The following CS variants were observed in gnomAD, a reference collection of about 807,000 sequenced individuals.
CS encodes citrate synthase.
Under a neutral mutation model 61.4 loss-of-function variants are expected in CS, and 13 were observed. That is an observed-to-expected ratio of 0.21 (90% confidence interval 0.14 to 0.34). The LOEUF is 0.34. CS is among the 10% of genes least tolerant of loss of function. The probability of loss-of-function intolerance (pLI) is 1.00; values close to 1 mark genes in which losing one functional copy is unlikely to be tolerated. For synonymous variants in CS, 159 were observed against 215.2 expected, an observed-to-expected ratio of 0.74 and a Z score of 2.29; for missense variants, 278 against 573.4, an observed-to-expected ratio of 0.48 and a Z score of 5.26.
At chr12:56,299,565 C>T (rs546844964) in intron 1 of CS, among the ~76,000 whole-genome samples, 3 of 152,246 alleles carry the variant, frequency 2.0e-5, no homozygotes, top group African/African-American at 4.8e-5. Context: ...CCCACCCAAG[C>T]TCCTCCTATA....
At chr12:56,280,440 A>AAAC (rs1555162653) in intron 6 of CS, among the ~76,000 whole-genome samples, 1 of 119,902 alleles carries the variant, frequency 8.3e-6, no homozygotes. Flanking sequence ...AAAAAAAACA[A>AAAC]AAAAATTAGC....
intron 1 of CS, among the ~76,000 whole-genome samples, chr12:56,292,680 C>T (rs1298399470): frequency 7.0e-6 from 1 of 142,598 alleles, no homozygotes; most frequent in Non-Finnish European, 1.5e-5. Context: ...GTCAGGAGAT[C>T]GAGACCATCC....
At chr12:56,275,183 T>C (rs750021802) in intron 7 of CS, 52 bp from the exon 8 acceptor site, 2 of 1,611,188 alleles carry the variant, frequency 1.2e-6, no homozygotes, top group South Asian at 2.2e-5. Context: ...GGGCAGATTA[T>C]GGAAACTTTG....
intron 1 of CS, chr12:56,291,274 C>T: frequency 9.1e-7 from 1 of 1,099,278 alleles, no homozygotes; most frequent in Non-Finnish European, 1.1e-6. Flanking sequence ...GCAGTCAAGC[C>T]TGAGGCAGAG....
At chr12:56,299,235 G>A (rs779189666) in intron 1 of CS, among the ~76,000 whole-genome samples, 1 of 152,090 alleles carries the variant, frequency 6.6e-6, no homozygotes, top group South Asian at 2.1e-4. Context: ...GTCTAAAAGG[G>A]CCAAGTTACT....
At chr12:56,280,210 T>C (rs1282440962) in intron 6 of CS, among the ~76,000 whole-genome samples, 2 of 151,908 alleles carry the variant, frequency 1.3e-5, no homozygotes, top group African/African-American at 4.8e-5. Context: ...GGTCAGAGGT[T>C]CGAGACCAGC....
chr12:56,285,576 T>C (rs1430785260), intron 3 of CS, among the ~76,000 whole-genome samples: 1 of 152,220 alleles, frequency 6.6e-6, no homozygotes, highest in Non-Finnish European at 1.5e-5. Context: ...GCATGAGCCA[T>C]TGCGCCCTCT....
chr12:56,286,683 C>A (rs773358753), intron 1 of CS, 38 bp from the exon 2 acceptor site: 1 of 1,573,634 alleles, frequency 6.4e-7, no homozygotes, highest in Non-Finnish European at 8.7e-7. Context: ...TAACTGTTAC[C>A]CCTCCCTCTT....
At position 56,272,946 on chromosome 12, in the gene CS, A is replaced by C; in HGVS notation, c.*138T>G. Reference sequence around the variant, plus strand: ...TTTTCATCTTTTAAAGTCTTAATTTATATTTTAACCTCAAACATATTATCA... The same window carrying C: ...TTTTCATCTTTTAAAGTCTTAATTTCTATTTTAACCTCAAACATATTATCA... On this transcript the variant is annotated 3_prime_UTR_variant, in exon 11 of 11. Coordinates refer to ENST00000351328, the MANE Select transcript of CS (RefSeq NM_004077.3). 1 of 630,232 alleles carries C rather than the reference A, an allele frequency of 1.6e-6. No homozygotes were observed. The highest frequency in any genetic ancestry group is 2.8e-6 in the Non-Finnish European group (1 of 358,624). 39.0% of individuals were successfully genotyped at this position (630,232 alleles called of 1,614,324 possible).
At position 56,300,320 on chromosome 12, in the gene CS, G is replaced by C. The variant is rs1873451989; in HGVS notation, c.-119C>G. 3 of 1,135,272 alleles carry C rather than the reference G, an allele frequency of 2.6e-6. No homozygotes were observed. The highest frequency in any genetic ancestry group is 1.4e-5 in the South Asian group (1 of 71,980). The allele number at this position is 1,135,272 out of a possible 1,614,324, so 70.3% of individuals were successfully genotyped here. ...GACGGGTTGACAAGGTTGAAAGGAGGCGGCTGAAGGAAAGAGTAGACGAAC... is the reference window on the plus strand; with the variant it reads ...GACGGGTTGACAAGGTTGAAAGGAGCCGGCTGAAGGAAAGAGTAGACGAAC... On this transcript the variant is annotated 5_prime_UTR_variant, in exon 1 of 11. Coordinates refer to ENST00000351328, the MANE Select transcript of CS (RefSeq NM_004077.3).
At chr12:56,279,635 G>A (rs1262506699) in intron 6 of CS, among the ~76,000 whole-genome samples, 1 of 151,968 alleles carries the variant, frequency 6.6e-6, no homozygotes, top group African/African-American at 2.4e-5. Flanking sequence ...GCATGGTGGC[G>A]GGTGCCTGTA....
intron 3 of CS, among the ~76,000 whole-genome samples, chr12:56,284,786 C>G (rs1256718283): frequency 2.0e-5 from 3 of 150,140 alleles, no homozygotes; most frequent in Non-Finnish European, 4.4e-5. Flanking sequence ...GTAATCCCAG[C>G]TACTCAGGAG....
Position 56,276,030 on chromosome 12 carries a change from T to C in CS, c.754A>G (p.Thr252Ala), listed in dbSNP as rs755837129. The C allele has an allele frequency of 6.2e-7, 1 of 1,614,156 alleles. No homozygotes were observed. The highest frequency in any genetic ancestry group is 8.5e-7 in the Non-Finnish European group (1 of 1,180,022). The change falls in exon 7 of 11, where the codon ACT becomes GCT. Residue 252 changes from threonine to alanine, a missense_variant. Physicochemically the swap from Thr to Ala is moderately conservative, Grantham distance 58. Coordinates refer to ENST00000351328, the MANE Select transcript of CS (RefSeq NM_004077.3). ...NMLGYTDHQF[T>A]ELTRLYLTIH... The stretch of plus-strand genomic sequence containing the variant: ...GTGAGGTACAGGCGCGTGAGCTCAG[T>C]GAACTGATGATCAGTATAGCCTAAC...
In CS at chr12:56,299,084, A is replaced by G. The variant is rs1873396818; in HGVS notation, c.42+1076T>C. ...ACATACAGCAAGCCAAAACCATCCT[A>G]AGGCTTTCCTTTCCTTCAGATGCTG... On this transcript the variant is annotated intron_variant, in intron 1 of 10. Coordinates refer to ENST00000351328, the MANE Select transcript of CS (RefSeq NM_004077.3). Among the ~76,000 whole-genome samples, 3 of 150,886 alleles carry G rather than the reference A, an allele frequency of 2.0e-5. No homozygotes were observed. In the South Asian group the frequency reaches 6.3e-4, roughly 32 times the overall value.
intron 1 of CS, 114 bp downstream of exon 1, chr12:56,300,046 C>T: frequency 9.6e-7 from 1 of 1,041,310 alleles, no homozygotes; most frequent in Non-Finnish European, 1.4e-6. Context: ...AGCGCAGGGC[C>T]CTTTAAGGCG....
At chr12:56,282,162 T>C (rs1309586708) in intron 6 of CS, among the ~76,000 whole-genome samples, 4 of 152,202 alleles carry the variant, frequency 2.6e-5, no homozygotes, top group African/African-American at 9.7e-5. Context: ...CGGCCGACTA[T>C]GGAATTTTAA....
At chr12:56,278,537 G>A (rs996414631) in intron 6 of CS, among the ~76,000 whole-genome samples, 1 of 151,984 alleles carries the variant, frequency 6.6e-6, no homozygotes, top group African/African-American at 2.4e-5. Flanking sequence ...AACAGATCAA[G>A]ACCATCCTGG....
intron 1 of CS, among the ~76,000 whole-genome samples, chr12:56,294,366 C>T (rs916526370): frequency 4.0e-5 from 6 of 148,692 alleles, no homozygotes; most frequent in South Asian, 4.3e-4. Flanking sequence ...CTCAGCTAAC[C>T]GGGAAGCTGA....
chr12:56,292,772 C>T (rs1036263277), intron 1 of CS, among the ~76,000 whole-genome samples: 22 of 148,438 alleles, frequency 1.5e-4, no homozygotes, highest in South Asian at 1.1e-3. Flanking sequence ...GGCGTCATGG[C>T]GGGCGCCTGT....
Sources: allele counts gnomAD v4.1 joint callset (sites outside exome capture counted in the v4.1 genomes callset), GRCh38; gene constraint gnomAD v4.1.1; transcripts MANE v1.5; gene names NCBI Gene and HGNC (gene_info 2026-07-23, HGNC 2026-07-21).